The following STPG2 variants were observed in gnomAD, a reference collection of about 807,000 sequenced individuals.
The protein encoded by STPG2 is sperm tail PG-rich repeat containing 2, also known as sperm-tail PG-rich repeat-containing protein 2.
Under a neutral mutation model 54.2 loss-of-function variants are expected in STPG2, and 56 were observed. That is an observed-to-expected ratio of 1.03 (90% CI 0.83 to 1.29). The LOEUF (loss-of-function observed/expected upper bound fraction) is 1.29. STPG2 is among the 50% of genes most tolerant of loss of function. STPG2 has a pLI of 0.00. For synonymous variants in STPG2, 200 were observed against 181.8 expected, an observed-to-expected ratio of 1.10 and a Z score of -0.81; for missense variants, 596 against 544.9, an observed-to-expected ratio of 1.09 and a Z score of -0.93.
At chr4:98,069,492 A>C (rs1737936897) in intron 5 of STPG2, among the ~76,000 whole-genome samples, 1 of 152,044 alleles carries the variant, frequency 6.6e-6, no homozygotes. Context: ...GGGATATCAG[A>C]AAGTTTGTTG....
At chr4:97,447,210 T>C (rs113013841) in intron 4 of STPG2, among the ~76,000 whole-genome samples, 2,475 of 152,228 alleles carry the variant, frequency 0.016, 63 homozygotes, top group African/African-American at 0.057. Flanking sequence ...CTGTGGAGCA[T>C]TGAACTTGAG....
intron 5 of STPG2, among the ~76,000 whole-genome samples, chr4:98,036,732 A>T (rs1208571580): frequency 6.6e-6 from 1 of 152,008 alleles, no homozygotes; most frequent in African/African-American, 2.4e-5. Context: ...AGGTGATAAA[A>T]TAGTTTGTAC....
chr4:97,959,300 C>T (rs1733798676), intron 7 of STPG2, among the ~76,000 whole-genome samples: 1 of 151,952 alleles, frequency 6.6e-6, no homozygotes, highest in African/African-American at 2.4e-5. Context: ...TCTAAGGTCA[C>T]ACCTCAAAGA....
intron 7 of STPG2, among the ~76,000 whole-genome samples, chr4:97,947,390 C>T (rs1000122931): frequency 6.6e-6 from 1 of 152,014 alleles, no homozygotes; most frequent in African/African-American, 2.4e-5. Context: ...TCTAAATGCA[C>T]TGTATTTCCT....
chr4:97,595,351 CA>C (rs1227620470), intron 10 of STPG2, among the ~76,000 whole-genome samples: 1 of 122,102 alleles, frequency 8.2e-6, no homozygotes, highest in Non-Finnish European at 1.5e-5. Context: ...ATCGCAAGGA[CA>C]AAAAACAAAC....
intron 5 of STPG2, among the ~76,000 whole-genome samples, chr4:98,047,304 AAGC>A (rs1303715474): frequency 6.6e-6 from 1 of 152,150 alleles, no homozygotes; most frequent in Non-Finnish European, 1.5e-5. Flanking sequence ...TTTATCACTG[AAGC>A]AGGACAGGGA....
intron 10 of STPG2, among the ~76,000 whole-genome samples, chr4:97,592,852 T>A (rs1223634349): frequency 6.6e-6 from 1 of 152,028 alleles, no homozygotes; most frequent in Non-Finnish European, 1.5e-5. Context: ...GCACTTGAGG[T>A]GGCAGAGAGA....
intron 8 of STPG2, among the ~76,000 whole-genome samples, chr4:97,921,349 A>C (rs1265302542): frequency 1.3e-5 from 2 of 152,166 alleles, no homozygotes; most frequent in Non-Finnish European, 2.9e-5. Flanking sequence ...CTGACAAGTC[A>C]AAATAATTGT....
chr4:97,554,347 G>A (rs191996723), downstream of STPG2, among the ~76,000 whole-genome samples: 6 of 152,284 alleles, frequency 3.9e-5, no homozygotes, highest in East Asian at 9.7e-4. Flanking sequence ...AAAGAATCCA[G>A]TCTTCAGGGG....
At chr4:97,615,519 CTCA>C (rs1331147840) in intron 10 of STPG2, among the ~76,000 whole-genome samples, 1 of 151,996 alleles carries the variant, frequency 6.6e-6, no homozygotes, top group Non-Finnish European at 1.5e-5. Flanking sequence ...AACTCCTAGC[CTCA>C]TGAGATCCTC....
intron 9 of STPG2, among the ~76,000 whole-genome samples, chr4:97,755,968 T>C (rs1314096761): frequency 6.6e-6 from 1 of 152,184 alleles, no homozygotes; most frequent in Non-Finnish European, 1.5e-5. Flanking sequence ...CACCATGACA[T>C]AGATAAGCCC....
At chr4:97,663,623 ACTC>A in intron 10 of STPG2, among the ~76,000 whole-genome samples, 1 of 152,318 alleles carries the variant, frequency 6.6e-6, no homozygotes, top group South Asian at 2.1e-4. Flanking sequence ...GACATATTTA[ACTC>A]TAATATTGAA....
intron 8 of STPG2, among the ~76,000 whole-genome samples, chr4:97,942,049 G>A (rs1252375180): frequency 1.3e-5 from 2 of 151,628 alleles, no homozygotes; most frequent in Non-Finnish European, 2.9e-5. Flanking sequence ...GAAGCAACTT[G>A]TCTTCCTTTA....
At chr4:97,830,126 A>G (rs181338834) in intron 9 of STPG2, among the ~76,000 whole-genome samples, 10 of 152,338 alleles carry the variant, frequency 6.6e-5, no homozygotes, top group Non-Finnish European at 1.2e-4. Flanking sequence ...GCCAGAGGGA[A>G]AAGTCGCATT....
intron 4 of STPG2, chr4:97,441,620 T>C (rs1729083488): frequency 6.6e-6 from 1 of 152,040 alleles, no homozygotes; most frequent in Non-Finnish European, 1.5e-5. Context: ...AGATGGCTTC[T>C]CTAGTTAAAT....
intron 4 of STPG2, among the ~76,000 whole-genome samples, chr4:97,486,807 GT>G (rs1560629222): frequency 2.2e-4 from 8 of 37,094 alleles, no homozygotes; most frequent in Non-Finnish European, 4.9e-4. Context: ...AAACTGTGGT[GT>G]GTGTGTGTGT....
chr4:98,109,228 C>A lies in STPG2; in HGVS notation c.465G>T (p.Lys155Asn), dbSNP rs758594612. ...CATACTGTCCTGGACCAGGACCTGA[C>A]TTTTTAGGTAACTCTTGTCTTCCTG... is the stretch of plus-strand genomic sequence containing the variant. The part of the protein sequence containing the change: ...NSSGRQELPK[K>N]SGPGPGQYDI... The change falls in exon 4 of 11, where the codon AAG becomes AAT. Residue 155 changes from lysine to asparagine, a missense_variant. Physicochemically the swap from Lys to Asn is moderately conservative, Grantham distance 94. Coordinates refer to ENST00000295268, the MANE Select transcript of STPG2 (RefSeq NM_174952.3). 1 of 1,611,010 alleles carries A rather than the reference C, an allele frequency of 6.2e-7. No individual in the cohort carries two copies. The highest frequency in any genetic ancestry group is 8.5e-7 in the Non-Finnish European group (1 of 1,178,348).
At chr4:97,464,078 C>T (rs1729732401) in intron 4 of STPG2, among the ~76,000 whole-genome samples, 1 of 152,098 alleles carries the variant, frequency 6.6e-6, no homozygotes, top group Non-Finnish European at 1.5e-5. Context: ...TAAATATTTG[C>T]ATGAAGGTTT....
At chr4:98,131,257 G>A (rs1262640705) in intron 2 of STPG2, among the ~76,000 whole-genome samples, 1 of 152,050 alleles carries the variant, frequency 6.6e-6, no homozygotes, top group East Asian at 1.9e-4. Flanking sequence ...AGTGAACACT[G>A]TATTATGGCT....
Sources: gnomAD v4.1 joint callset for allele counts (sites outside exome capture counted in the v4.1 genomes callset) on GRCh38, gnomAD v4.1.1 for gene constraint, MANE v1.5 for transcripts, NCBI Gene and HGNC (gene_info 2026-07-23, HGNC 2026-07-21) for gene names.